SMOC1: variants seen among roughly 807,000 people sequenced by gnomAD.
The protein encoded by SMOC1 is SPARC related modular calcium binding 1.
Under a neutral mutation model 56.3 loss-of-function variants are expected in SMOC1, and 22 were observed. That is an observed-to-expected ratio of 0.39 (90% confidence interval 0.28 to 0.56). The LOEUF (loss-of-function observed/expected upper bound fraction) is 0.56. Ranked by LOEUF, SMOC1 falls within the 20% of genes least tolerant of loss-of-function variation. SMOC1 has a pLI of 0.61. For missense variants in SMOC1, 509 were observed against 565.4 expected, an observed-to-expected ratio of 0.90 and a Z score of 1.01; for synonymous variants, 193 against 215.0, an observed-to-expected ratio of 0.90 and a Z score of 0.89.
At chr14:69,923,830 T>A (rs112882948) in intron 1 of SMOC1, among the ~76,000 whole-genome samples, 92 of 152,252 alleles carry the variant, frequency 6.0e-4, no homozygotes, top group African/African-American at 2.1e-3. Flanking sequence ...GGAGGCAGAA[T>A]AGGGCAGGAG....
At chr14:70,017,493 A>G (rs936921625) in intron 10 of SMOC1, among the ~76,000 whole-genome samples, 2 of 152,204 alleles carry the variant, frequency 1.3e-5, no homozygotes, top group African/African-American at 4.8e-5. Context: ...AGGAAGCCGC[A>G]TCTGATCCCT....
rs145056922 is a variant in SMOC1 at position 69,989,085 on chromosome 14, A to G, written c.527-3332A>G. 3.2e-3 allele frequency among the ~76,000 whole-genome samples: 488 copies of G among 152,242 alleles called. 4 individuals carry two copies. The highest frequency in any genetic ancestry group is 0.01 in the Middle Eastern group (3 of 292). ...AGTGGAATTTTGGGGTTAAAAGTTG[A>G]TGTTTAGCTTTTTAAAGAGACTGTC... On this transcript the variant is annotated intron_variant, in intron 5 of 11. Transcript: ENST00000361956.
chr14:69,926,942 G>A (rs988801319), intron 1 of SMOC1, among the ~76,000 whole-genome samples: 1 of 152,240 alleles, frequency 6.6e-6, no homozygotes, highest in Non-Finnish European at 1.5e-5. Context: ...ATGTGGTGAT[G>A]ATGATGATGA....
rs1594833894 is a variant in SMOC1, at chr14:69,976,631, C to T, written c.478+817C>T. Among the ~76,000 whole-genome samples the T allele has an allele frequency of 3.3e-5, 5 of 152,138 alleles. No individual in the cohort carries two copies. The South Asian group carries it at 1.0e-3, about 31-fold the overall frequency. On this transcript the variant is annotated intron_variant, in intron 4 of 11. Transcript: ENST00000361956. ...GGATTTTTACAAGCCCCACAGTGTC[C>T]ACCTCCATTCAGATGGTAAAAGACT...
In SMOC1 at chr14:69,984,679, C is replaced by G. The variant is rs1483198581; in HGVS notation, c.526+6714C>G. Reference sequence around the variant, plus strand: ...CCAACATGGTGAAACCCTATCTCTACTAAAAAAAAAAAAAAAAATACAAAA... The same window carrying G: ...CCAACATGGTGAAACCCTATCTCTAGTAAAAAAAAAAAAAAAAATACAAAA... On this transcript the variant is annotated intron_variant, in intron 5 of 11. Transcript: ENST00000361956. Among the ~76,000 whole-genome samples the G allele has an allele frequency of 3.2e-4, 41 of 127,922 alleles. No homozygotes were observed. In the Middle Eastern group the frequency reaches 0.011, roughly 35 times the overall value. 83.9% of individuals were successfully genotyped at this position (127,922 alleles called of 152,430 possible).
At chr14:69,902,350 T>A (rs1040951443) in intron 1 of SMOC1, among the ~76,000 whole-genome samples, 1 of 152,232 alleles carries the variant, frequency 6.6e-6, no homozygotes, top group African/African-American at 2.4e-5. Flanking sequence ...CTCTTGTTTG[T>A]ATGAGCCAGT....
At chr14:70,004,971 A>G (rs926340576) in intron 7 of SMOC1, among the ~76,000 whole-genome samples, 2 of 152,218 alleles carry the variant, frequency 1.3e-5, no homozygotes, top group African/African-American at 4.8e-5. Context: ...AGCTTACAGC[A>G]TAGCTGGTCT....
At chr14:69,937,237 G>A (rs1296507793) in intron 1 of SMOC1, among the ~76,000 whole-genome samples, 1 of 152,140 alleles carries the variant, frequency 6.6e-6, no homozygotes, top group African/African-American at 2.4e-5. Flanking sequence ...TCTGCTAAGT[G>A]CAAAAGCAAG....
intron 10 of SMOC1, among the ~76,000 whole-genome samples, chr14:70,015,299 A>G (rs1394627920): frequency 2.0e-5 from 3 of 152,172 alleles, no homozygotes; most frequent in Non-Finnish European, 4.4e-5. Context: ...GTTGCTAACC[A>G]ATGGGTGTCA....
chr14:69,985,434 C>A (rs987772711), intron 5 of SMOC1, among the ~76,000 whole-genome samples: 3 of 152,062 alleles, frequency 2.0e-5, no homozygotes, highest in African/African-American at 4.8e-5. Context: ...GCCACACACA[C>A]AAAAAACCTG....
intron 1 of SMOC1, among the ~76,000 whole-genome samples, chr14:69,893,086 G>A (rs920447543): frequency 5.3e-5 from 8 of 152,080 alleles, no homozygotes; most frequent in African/African-American, 1.9e-4. Context: ...CATTTCTTTT[G>A]CATTTTGTAA....
At chr14:69,934,782 T>C (rs1885254428) in intron 1 of SMOC1, among the ~76,000 whole-genome samples, 1 of 152,212 alleles carries the variant, frequency 6.6e-6, no homozygotes, top group South Asian at 2.1e-4. Context: ...CTTCACACAG[T>C]TCCTTGGTCC....
At chr14:70,022,011 C>T (rs891922771) in intron 10 of SMOC1, among the ~76,000 whole-genome samples, 8 of 152,174 alleles carry the variant, frequency 5.3e-5, no homozygotes, top group African/African-American at 1.9e-4. Context: ...TCTGTCCCAG[C>T]GCCCTGCACA....
chr14:69,890,786 C>G (rs886618326), intron 1 of SMOC1, among the ~76,000 whole-genome samples: 2 of 152,150 alleles, frequency 1.3e-5, no homozygotes, highest in African/African-American at 2.4e-5. Context: ...TTTATTGCTG[C>G]TGGTGGGAAT....
intron 1 of SMOC1, among the ~76,000 whole-genome samples, chr14:69,880,456 A>G (rs1482480321): frequency 6.6e-6 from 1 of 152,018 alleles, no homozygotes; most frequent in Non-Finnish European, 1.5e-5. Context: ...GTCTGATTGG[A>G]GTTTCTGAAC....
At chr14:69,893,899 G>A (rs568070059) in intron 1 of SMOC1, among the ~76,000 whole-genome samples, 96 of 152,234 alleles carry the variant, frequency 6.3e-4, no homozygotes, top group Non-Finnish European at 1.0e-3. Context: ...ACTGGTGCCC[G>A]AATAAGAAGA....
intron 1 of SMOC1, among the ~76,000 whole-genome samples, chr14:69,885,162 C>G (rs1366840828): frequency 6.6e-6 from 1 of 151,618 alleles, no homozygotes; most frequent in Non-Finnish European, 1.5e-5. Flanking sequence ...CTCTTGATCA[C>G]TTGATTCATC....
At chr14:69,967,567 C>T (rs1430729877) in intron 3 of SMOC1, among the ~76,000 whole-genome samples, 2 of 152,190 alleles carry the variant, frequency 1.3e-5, no homozygotes, top group Non-Finnish European at 1.5e-5. Context: ...AAAGATTGGA[C>T]ACCCCTGGCC....
At chr14:70,027,036 G>A (rs1165266332) in intron 11 of SMOC1, among the ~76,000 whole-genome samples, 3 of 152,122 alleles carry the variant, frequency 2.0e-5, no homozygotes, top group African/African-American at 7.2e-5. Flanking sequence ...AGGCTGAGTA[G>A]ACTTAAAGCC....
Sources: gnomAD v4.1 joint callset for allele counts (sites outside exome capture counted in the v4.1 genomes callset) on GRCh38, gnomAD v4.1.1 for gene constraint, MANE v1.5 for transcripts, NCBI Gene and HGNC (gene_info 2026-07-23, HGNC 2026-07-21) for gene names.